GRIA3: variants seen among roughly 807,000 people sequenced by gnomAD.
GRIA3 encodes the protein glutamate receptor 3.
Under a neutral mutation model 63.0 loss-of-function variants are expected in GRIA3, and 3 were observed. That is an observed-to-expected ratio of 0.05 (90% CI 0.02 to 0.12). The LOEUF (loss-of-function observed/expected upper bound fraction) is 0.12. GRIA3 is among the 10% of genes least tolerant of loss of function. GRIA3 has a pLI of 1.00. For missense variants in GRIA3, 347 were observed against 700.9 expected (o/e 0.50, Z 5.70); for synonymous variants, 274 against 257.9 (o/e 1.06, Z -0.60).
At chrX:123,365,449 C>G (rs2045204385) in intron 5 of GRIA3, among the ~76,000 whole-genome samples, 1 of 103,739 alleles carries the variant, frequency 9.6e-6, no homozygotes, top group South Asian at 4.3e-4. Context: ...TAGATGAGGC[C>G]AGGGGAGCAG....
At chrX:123,292,132 T>C (rs1225063060) in intron 3 of GRIA3, among the ~76,000 whole-genome samples, 1 of 111,701 alleles carries the variant, frequency 9.0e-6, no homozygotes, top group Non-Finnish European at 1.9e-5. Context: ...TTTCAAATTA[T>C]TTGGGGCAGA....
Position 123,185,884 on chromosome X carries a change from C to A in GRIA3, c.162C>A (p.Ala54=), listed in dbSNP as rs758158942. Residue 54 remains alanine, a synonymous_variant, in exon 2 of 16, where the codon GCC becomes GCA. Coordinates refer to ENST00000620443, the MANE Select transcript of GRIA3 (RefSeq NM_007325.5). ...AGGAGCACAGCGCTTTCCGCTTTGC[C>A]GTGCAGTTATACAACACCAACCAGA... ...TVQEHSAFRF[A]VQLYNTNQNT... is the part of the protein sequence containing the mutation. 5 of 1,206,512 alleles carry A rather than the reference C, an allele frequency of 4.1e-6. No homozygotes were observed. Among genetic ancestry groups the A allele is most frequent in the African/African-American group, 1.7e-5 (1 of 57,533 alleles).
At chrX:123,353,020 TAC>T (rs556926418) in intron 4 of GRIA3, among the ~76,000 whole-genome samples, 15,924 of 87,476 alleles carry the variant, frequency 0.18, 1,115 homozygotes, top group African/African-American at 0.26. Context: ...CTCTCTCTCA[TAC>T]ACACACACAC....
Position 123,253,454 on chromosome X carries a change from G to A in GRIA3, c.420G>A (p.Gln140=). ...ACGCAGATGTGCAGTTTGTCATCCA[G>A]ATGCGCCCAGCCTTGAAGGGCGCTA... ...PTDADVQFVI[Q]MRPALKGAIL... is the part of the protein sequence containing the mutation. The change falls in exon 3 of 16, where the codon CAG becomes CAA. Residue 140 remains glutamine (Q), a synonymous_variant. Transcript: ENST00000620443. The A allele has an allele frequency of 8.3e-7, 1 of 1,209,819 alleles. No homozygotes were observed. The highest frequency in any genetic ancestry group is 1.1e-6 in the Non-Finnish European group (1 of 894,025).
At chrX:123,288,863 A>G (rs908206784) in intron 3 of GRIA3, among the ~76,000 whole-genome samples, 2 of 111,343 alleles carry the variant, frequency 1.8e-5, no homozygotes, top group Non-Finnish European at 3.8e-5. Context: ...CAGTATGATG[A>G]CTCCTCAAGG....
chrX:123,377,902 G>C (rs1603122186), intron 5 of GRIA3, among the ~76,000 whole-genome samples: 1 of 111,902 alleles, frequency 8.9e-6, no homozygotes, highest in Non-Finnish European at 1.9e-5. Context: ...GATTTAACAA[G>C]ATAGTATAAA....
At chrX:123,446,077 T>A (rs778932151) in intron 12 of GRIA3, among the ~76,000 whole-genome samples, 5 of 111,636 alleles carry the variant, frequency 4.5e-5, no homozygotes, top group Admixed American at 1.9e-4. Flanking sequence ...AGTCTGGTAG[T>A]CAATCTCGGA....
At chrX:123,211,533 T>TA (rs1603028157) in intron 2 of GRIA3, among the ~76,000 whole-genome samples, 2 of 111,736 alleles carry the variant, frequency 1.8e-5, no homozygotes, top group African/African-American at 3.3e-5. Context: ...GCAAGACACA[T>TA]AAAAAAGTAG....
intron 12 of GRIA3, among the ~76,000 whole-genome samples, chrX:123,432,896 CAG>C (rs1491502456): frequency 3.1e-4 from 35 of 111,594 alleles, no homozygotes; most frequent in Admixed American, 2.2e-3. Flanking sequence ...GGAAGAAACA[CAG>C]GGGGGAAAAA....
At chrX:123,416,986 G>A (rs2045539931) in intron 10 of GRIA3, among the ~76,000 whole-genome samples, 1 of 112,309 alleles carries the variant, frequency 8.9e-6, no homozygotes, top group Non-Finnish European at 1.9e-5. Context: ...AGAAGTATAG[G>A]ATATTATGCC....
intron 3 of GRIA3, among the ~76,000 whole-genome samples, chrX:123,269,601 C>T (rs997068646): frequency 2.7e-5 from 3 of 111,548 alleles, no homozygotes; most frequent in Admixed American, 9.5e-5. Context: ...AAGGTAGAAA[C>T]GGCTGATGGA....
At chrX:123,253,833 C>A in intron 3 of GRIA3, 1 of 280,909 alleles carries the variant, frequency 3.6e-6, no homozygotes. Flanking sequence ...TTTATCTGGT[C>A]TAAAATGTAT....
chrX:123,336,103 A>C (rs948032890), intron 4 of GRIA3, among the ~76,000 whole-genome samples: 1 of 112,040 alleles, frequency 8.9e-6, no homozygotes, highest in Non-Finnish European at 1.9e-5. Flanking sequence ...TAGTTTACAA[A>C]AGCAACACAA....
At chrX:123,261,535 C>G (rs1483720983) in intron 3 of GRIA3, among the ~76,000 whole-genome samples, 4 of 112,027 alleles carry the variant, frequency 3.6e-5, no homozygotes, top group African/African-American at 1.3e-4. Context: ...ACATTCCTCT[C>G]TAGAGACAAA....
Position 123,395,043 on chromosome X carries a change from G to C in GRIA3, c.826G>C (p.Glu276Gln), listed in dbSNP as rs2147378779. 2.5e-6 allele frequency: 3 copies of C among 1,202,441 alleles called. No homozygotes were observed. Among genetic ancestry groups the C allele is most frequent in the Non-Finnish European group, 3.4e-6 (3 of 886,920 alleles). ...NITGFQIVNN[E>Q]NPMVQQFIQR... ...TACAGGTTTCCAGATTGTCAACAAT[G>C]AAAACCCTATGGTTCAGCAGTTCAT... Residue 276 changes from glutamate to glutamine, a missense_variant, in exon 6 of 16, where the codon GAA becomes CAA. This residue lies in a region of GRIA3 where 113 missense variants were observed against 130.6 expected (regional missense o/e 0.87). Transcript: ENST00000620443.
At chrX:123,184,667 T>TC (rs753705899) in intron 1 of GRIA3, 23 bp downstream of exon 1, 2 of 1,068,518 alleles carry the variant, frequency 1.9e-6, no homozygotes, top group East Asian at 6.0e-5. Flanking sequence ...GAGCCAGCCG[T>TC]CGGTCCAGGC....
chrX:123,268,299 G>A (rs1311933549), intron 3 of GRIA3, among the ~76,000 whole-genome samples: 1 of 110,346 alleles, frequency 9.1e-6, no homozygotes, highest in Non-Finnish European at 1.9e-5. Context: ...CCAAAGATTG[G>A]TCCAGTCTCT....
At chrX:123,396,532 A>G (rs1347652616) in intron 6 of GRIA3, among the ~76,000 whole-genome samples, 3 of 111,152 alleles carry the variant, frequency 2.7e-5, no homozygotes, top group Non-Finnish European at 5.7e-5. Context: ...CAAGTGTCCT[A>G]ATTTGCTTTA....
intron 5 of GRIA3, among the ~76,000 whole-genome samples, chrX:123,368,956 T>C (rs891695142): frequency 4.5e-5 from 5 of 111,538 alleles, no homozygotes; most frequent in Non-Finnish European, 7.5e-5. Flanking sequence ...AATAATTTTT[T>C]GGTAGGGTTT....
Sources: gnomAD v4.1 joint callset for allele counts (sites outside exome capture counted in the v4.1 genomes callset) on GRCh38, gnomAD v4.1.1 for gene constraint, gnomAD v4.1.1 regional missense constraint, MANE v1.5 for transcripts, NCBI Gene and HGNC (gene_info 2026-07-23, HGNC 2026-07-21) for gene names.